Variants in BANF2 observed in about 807,000 individuals in gnomAD.
The protein encoded by BANF2 is barrier-to-autointegration factor-like protein.
In BANF2, 4 loss-of-function variants were observed where a neutral mutation model predicts 8.0. That is an observed-to-expected ratio of 0.50 (90% confidence interval 0.25 to 1.14). BANF2 has a LOEUF of 1.14. Among genes scored for constraint, BANF2 ranks in the 50% most tolerant of loss-of-function variants. The probability of loss-of-function intolerance (pLI) is 0.16; values close to 1 mark genes in which losing one functional copy is unlikely to be tolerated. For missense variants in BANF2, 96 were observed against 107.5 expected (o/e 0.89, Z 0.47); for synonymous variants, 50 against 40.6 (o/e 1.23, Z -0.88).
intron 1 of BANF2, among the ~76,000 whole-genome samples, chr20:17,700,921 C>T (rs1290407848): frequency 6.6e-6 from 1 of 152,206 alleles, no homozygotes; most frequent in African/African-American, 2.4e-5. Flanking sequence ...AACACGTCCA[C>T]ACAGCTGCAG....
intron 1 of BANF2, among the ~76,000 whole-genome samples, chr20:17,704,091 C>A (rs2037448016): frequency 1.3e-5 from 2 of 152,182 alleles, no homozygotes; most frequent in Admixed American, 6.5e-5. Context: ...ACTGGCAGCA[C>A]CATTTTTATC....
upstream of BANF2, among the ~76,000 whole-genome samples, chr20:17,695,007 T>A (rs1175796985): frequency 6.6e-6 from 1 of 152,102 alleles, no homozygotes; most frequent in Non-Finnish European, 1.5e-5. Context: ...GCTCAGGAAG[T>A]AACTTCCTTT....
chr20:17,705,086 C>T (rs1177213060), intron 1 of BANF2, among the ~76,000 whole-genome samples: 1 of 151,850 alleles, frequency 6.6e-6, no homozygotes. Flanking sequence ...ACCTCACTGG[C>T]CAGGCCTGGT....
rs58645809 is a variant in BANF2, at chr20:17,731,759, G to GA, written c.127-3884dup. ...GACGGAATGAGATCCCGTCTCTTAGGAAAAAAAAAAAAAAAAAAAAAAGTA... is the reference window on the plus strand; with the variant it reads ...GACGGAATGAGATCCCGTCTCTTAGGAAAAAAAAAAAAAAAAAAAAAAAGTA... On this transcript the variant is annotated intron_variant, in intron 3 of 3. Transcript: ENST00000246090. Among the ~76,000 whole-genome samples the GA allele has an allele frequency of 1.3e-3, 122 of 95,030 alleles. 6 individuals are homozygous for GA. Among genetic ancestry groups the GA allele is most frequent in the African/African-American group, 2.6e-3 (58 of 22,602 alleles). The allele number at this position is 95,030 out of a possible 152,430, so 62.3% of individuals were successfully genotyped here.
intron 1 of BANF2, among the ~76,000 whole-genome samples, chr20:17,722,063 T>G (rs78719261): frequency 0.31 from 47,334 of 151,814 alleles, 7,766 homozygotes; most frequent in African/African-American, 0.41. Flanking sequence ...GGGGAGGGGG[T>G]CCAATGGCCC....
chr20:17,720,435 C>G lies in BANF2; in HGVS notation c.-166-2281C>G, dbSNP rs570935464. 9.2e-5 allele frequency among the ~76,000 whole-genome samples: 14 copies of G among 152,302 alleles called. No individual in the cohort carries two copies. The East Asian group carries it at 2.1e-3, about 23-fold the overall frequency. On this transcript the variant is annotated intron_variant, in intron 1 of 3. Transcript: ENST00000246090. ...CAGGATATTCTAAGACATGCTGCAG[C>G]ACAGATGAACCTTGATAACATTATG...
chr20:17,718,849 G>A (rs1008835706), intron 1 of BANF2, among the ~76,000 whole-genome samples: 1 of 152,120 alleles, frequency 6.6e-6, no homozygotes, highest in Non-Finnish European at 1.5e-5. Flanking sequence ...ATTCCCTGCC[G>A]ATGTGTCCTC....
intron 3 of BANF2, among the ~76,000 whole-genome samples, chr20:17,726,452 T>G (rs2122638361): frequency 6.6e-6 from 1 of 152,312 alleles, no homozygotes; most frequent in East Asian, 1.9e-4. Context: ...CCTCCCAAAG[T>G]GCTAAGATTA....
chr20:17,701,785 C>G (rs1273899875), intron 1 of BANF2, among the ~76,000 whole-genome samples: 2 of 152,168 alleles, frequency 1.3e-5, no homozygotes, highest in Non-Finnish European at 2.9e-5. Context: ...GGAACCCAGG[C>G]TGGTTGAGGG....
chr20:17,735,835 C>T lies in BANF2; in HGVS notation c.*24C>T, dbSNP rs200286931. 3.1e-6 allele frequency: 5 copies of T among 1,600,596 alleles called. No homozygotes were observed. The highest frequency in any genetic ancestry group is 4.3e-6 in the Non-Finnish European group (5 of 1,170,656). On this transcript the variant is annotated 3_prime_UTR_variant, in exon 4 of 4. Coordinates refer to ENST00000246090, the MANE Select transcript of BANF2 (RefSeq NM_178477.5). ...AGACACAAACCTCATTGCTGCCCCCCACCACCCTCTGGGGAAAATGACGCC... is the reference window on the plus strand; with the variant it reads ...AGACACAAACCTCATTGCTGCCCCCTACCACCCTCTGGGGAAAATGACGCC...
chr20:17,715,791 CA>C (rs1384503676), intron 1 of BANF2, among the ~76,000 whole-genome samples: 1 of 152,212 alleles, frequency 6.6e-6, no homozygotes, highest in Non-Finnish European at 1.5e-5. Flanking sequence ...TTATAAAAGG[CA>C]CAATCCTAAC....
upstream of BANF2, among the ~76,000 whole-genome samples, chr20:17,696,303 C>A (rs539565460): frequency 9.2e-5 from 14 of 152,286 alleles, no homozygotes; most frequent in Non-Finnish European, 1.8e-4. Context: ...CCACACCCAG[C>A]TTGTAGATGT....
At chr20:17,720,337 G>A (rs1239829870) in intron 1 of BANF2, among the ~76,000 whole-genome samples, 3 of 152,152 alleles carry the variant, frequency 2.0e-5, no homozygotes, top group African/African-American at 4.8e-5. Context: ...CATCCCAAAC[G>A]TCTATCAATA....
intron 1 of BANF2, among the ~76,000 whole-genome samples, chr20:17,713,140 T>C (rs920775954): frequency 9.2e-5 from 14 of 152,006 alleles, no homozygotes; most frequent in African/African-American, 3.1e-4. Context: ...TAGTCCCAGC[T>C]ACTAGGGAGG....
chr20:17,705,606 C>T (rs893111348), intron 1 of BANF2, among the ~76,000 whole-genome samples: 5 of 152,160 alleles, frequency 3.3e-5, no homozygotes, highest in African/African-American at 9.7e-5. Context: ...TTTTCAAAGC[C>T]GTAAATAGGC....
rs1468654307 is a variant in BANF2, at chr20:17,708,045, TCAAAAAA to T, written c.-167+7991_-167+7997del. On this transcript the variant is annotated intron_variant, in intron 1 of 3. Coordinates refer to ENST00000246090, the MANE Select transcript of BANF2 (RefSeq NM_178477.5). ...GGTGAAACCCTGTCTCTACTAAAAA[TCAAAAAA>T]AAAAAAAAAAAAAAACCAAAAAGAA... 5.1e-5 allele frequency among the ~76,000 whole-genome samples: 3 copies of T among 58,566 alleles called. No individual in the cohort carries two copies. The Admixed American group carries it at 6.9e-4, about 14-fold the overall frequency. 38.4% of individuals were successfully genotyped at this position (58,566 alleles called of 152,430 possible).
intron 3 of BANF2, 97 bp downstream of exon 3, chr20:17,725,248 G>A: frequency 7.7e-6 from 11 of 1,435,624 alleles, no homozygotes; most frequent in South Asian, 1.3e-5. Context: ...CCTGTGAAGG[G>A]CCATCAGAGA....
chr20:17,706,632 G>A (rs574282102), intron 1 of BANF2, among the ~76,000 whole-genome samples: 43 of 152,346 alleles, frequency 2.8e-4, no homozygotes, highest in Middle Eastern at 6.8e-3. Flanking sequence ...ATCCTTAAGT[G>A]ATGGCAGGAA....
chr20:17,714,201 A>C lies in BANF2; in HGVS notation c.-166-8515A>C, dbSNP rs576063690. 4.3e-3 allele frequency among the ~76,000 whole-genome samples: 632 copies of C among 146,740 alleles called. 3 individuals are homozygous for C. The highest frequency in any genetic ancestry group is 0.015 in the African/African-American group (615 of 40,232). ...GGCGACAGAGTGAGACTCTGTCAAA[A>C]AAAAAAAAAAAAAGAAAGAAAGAAA... is the stretch of plus-strand genomic sequence containing the variant. On this transcript the variant is annotated intron_variant, in intron 1 of 3. Coordinates refer to ENST00000246090, the MANE Select transcript of BANF2 (RefSeq NM_178477.5).
Sources: gnomAD v4.1 joint callset for allele counts (sites outside exome capture counted in the v4.1 genomes callset) on GRCh38, gnomAD v4.1.1 for gene constraint, MANE v1.5 for transcripts, NCBI Gene and HGNC (gene_info 2026-07-23, HGNC 2026-07-21) for gene names.